SH3TC1: variants seen among roughly 807,000 people sequenced by gnomAD.
SH3TC1 encodes SH3 domain and tetratricopeptide repeat-containing protein 1.
Under a neutral mutation model 117.3 loss-of-function variants are expected in SH3TC1, and 135 were observed. The observed-to-expected ratio is 1.15, with a 90% CI of 1.00 to 1.33. The LOEUF (loss-of-function observed/expected upper bound fraction) is 1.33, where lower values mean the gene tolerates loss of function less well. Ranked by LOEUF, SH3TC1 falls within the 40% of genes most tolerant of loss-of-function variation. The probability of loss-of-function intolerance (pLI) is 0.00; values close to 1 mark genes in which losing one functional copy is unlikely to be tolerated. For missense variants in SH3TC1, 2,092 were observed against 1,794.3 expected, an observed-to-expected ratio of 1.17 and a Z score of -3.00; for synonymous variants, 898 against 816.9, an observed-to-expected ratio of 1.10 and a Z score of -1.69.
intron 3 of SH3TC1, among the ~76,000 whole-genome samples, chr4:8,211,714 A>C (rs1230825048): frequency 6.6e-6 from 1 of 151,738 alleles, no homozygotes; most frequent in Non-Finnish European, 1.5e-5. Context: ...AGATGGGGTC[A>C]CAGCCCCAGG....
At chr4:8,237,412 G>T (rs2152998508) in intron 16 of SH3TC1, 62 bp from the exon 17 acceptor site, 1 of 1,335,554 alleles carries the variant, frequency 7.5e-7, no homozygotes, top group Non-Finnish European at 9.7e-7. Flanking sequence ...GTGCTGCCGG[G>T]GTCTGCATGC....
Position 8,218,309 on chromosome 4 carries a change from C to T in SH3TC1, c.878C>T (p.Ala293Val), listed in dbSNP as rs1243885762. 4 of 1,611,946 alleles carry T rather than the reference C, an allele frequency of 2.5e-6. No homozygotes were observed. The highest frequency in any genetic ancestry group is 1.3e-5 in the African/African-American group (1 of 74,878). Reference sequence around the variant, plus strand: ...ATCCCCCAGGACCCCATCGACGATGCCATGGGTGGCCCTGTGATGCCCGGC... The same window carrying T: ...ATCCCCCAGGACCCCATCGACGATGTCATGGGTGGCCCTGTGATGCCCGGC... ...LRIPQDPIDD[A>V]MGGPVMPGNP... Residue 293 changes from alanine to valine, a missense_variant, in exon 8 of 18, where the codon GCC becomes GTC. Ala to Val is a moderately conservative substitution (Grantham distance 64, BLOSUM62 0). Coordinates refer to ENST00000245105, the MANE Select transcript of SH3TC1 (RefSeq NM_018986.5).
rs536584823 is a variant in SH3TC1, at chr4:8,230,206, C to T, written c.2950+1562C>T. 3.9e-5 allele frequency among the ~76,000 whole-genome samples: 6 copies of T among 152,320 alleles called. No individual in the cohort carries two copies. In the East Asian group the frequency reaches 5.8e-4, roughly 15 times the overall value. On this transcript the variant is annotated intron_variant, in intron 12 of 17. Coordinates refer to ENST00000245105, the MANE Select transcript of SH3TC1 (RefSeq NM_018986.5). ...TCTGATTTGTTGGCATACAATTGTT[C>T]GTAGTGTTCTCATGGAATCCTTTTA...
At chr4:8,215,141 C>A in intron 5 of SH3TC1, 1 of 456,290 alleles carries the variant, frequency 2.2e-6, no homozygotes, top group Non-Finnish European at 4.4e-6. Context: ...GTTGCCTTCA[C>A]ACTCTGCCCT....
rs1720800071 is a variant in SH3TC1 at position 8,228,524 on chromosome 4, G to A, written c.2830G>A (p.Asp944Asn). Reference protein sequence around the residue: ...SRLPLGECGRDFTHVLLQLGH... With the variant: ...SRLPLGECGRNFTHVLLQLGH... ...GCTGCCCCTTGGGGAGTGTGGCCGG[G>A]ACTTCACCCACGTGCTCCTGCAGCT... The change falls in exon 12 of 18, where the codon GAC becomes AAC. Residue 944 changes from aspartate (D) to asparagine (N), a missense_variant. Transcript: ENST00000245105. 4 of 1,611,352 alleles carry A rather than the reference G, an allele frequency of 2.5e-6. No homozygotes were observed. Among genetic ancestry groups the A allele is most frequent in the Non-Finnish European group, 3.4e-6 (4 of 1,179,576 alleles).
intron 4 of SH3TC1, 23 bp from the exon 5 acceptor site, chr4:8,214,452 A>C (rs1440061524): frequency 6.2e-7 from 1 of 1,610,664 alleles, no homozygotes; most frequent in Non-Finnish European, 8.5e-7. Context: ...GGACCTCTCG[A>C]ATTCCTATTT....
intron 1 of SH3TC1, among the ~76,000 whole-genome samples, chr4:8,187,435 G>A (rs1237772320): frequency 6.6e-6 from 1 of 152,130 alleles, no homozygotes; most frequent in Non-Finnish European, 1.5e-5. Flanking sequence ...ACCAGCCTAA[G>A]TTAGTTGGAA....
chr4:8,237,108 T>C (rs1235885339), intron 16 of SH3TC1: 1 of 239,490 alleles, frequency 4.2e-6, no homozygotes, highest in Non-Finnish European at 8.0e-6. Context: ...ACTCTGATGA[T>C]GACACACCCA....
At chr4:8,203,277 C>T (rs954713072) in intron 1 of SH3TC1, among the ~76,000 whole-genome samples, 33 of 150,156 alleles carry the variant, frequency 2.2e-4, no homozygotes, top group South Asian at 1.3e-3. Flanking sequence ...TGTGCGGGTG[C>T]GTGTGTGTGT....
At chr4:8,208,942 C>A (rs967516787) in intron 2 of SH3TC1, among the ~76,000 whole-genome samples, 1 of 152,222 alleles carries the variant, frequency 6.6e-6, no homozygotes, top group African/African-American at 2.4e-5. Flanking sequence ...CTAATCAGAT[C>A]CCCCTGGATC....
intron 1 of SH3TC1, among the ~76,000 whole-genome samples, chr4:8,184,593 G>A (rs1009522458): frequency 6.6e-6 from 1 of 152,102 alleles, no homozygotes; most frequent in Non-Finnish European, 1.5e-5. Context: ...TGCTCAGGCT[G>A]GTCTCGAACC....
At chr4:8,184,086 C>A (rs924924851) in intron 1 of SH3TC1, among the ~76,000 whole-genome samples, 6 of 152,112 alleles carry the variant, frequency 3.9e-5, no homozygotes, top group Admixed American at 1.3e-4. Context: ...GCTGACAGAG[C>A]ATGAAGGCAT....
intron 13 of SH3TC1, chr4:8,232,995 T>C: frequency 1.7e-6 from 2 of 1,196,732 alleles, no homozygotes; most frequent in Non-Finnish European, 2.1e-6. Context: ...GACAGGCCTC[T>C]GGATGACTGT....
intron 10 of SH3TC1, among the ~76,000 whole-genome samples, chr4:8,223,631 CTTT>C (rs761152183): frequency 7.3e-6 from 1 of 136,470 alleles, no homozygotes. Flanking sequence ...TACACACCCA[CTTT>C]TTTTTTTTTT....
At position 8,205,477 on chromosome 4, in the gene SH3TC1, C is replaced by T; in HGVS notation, c.172+111C>T. 8.4e-7 allele frequency: 1 copy of T among 1,195,676 alleles called. No individual in the cohort carries two copies. Among genetic ancestry groups the T allele is most frequent in the Non-Finnish European group, 1.1e-6 (1 of 872,828 alleles). 74.1% of individuals were successfully genotyped at this position (1,195,676 alleles called of 1,614,324 possible). A position where few individuals can be genotyped will look rare whatever the true frequency, so the allele number is the denominator to read the frequency against. The stretch of plus-strand genomic sequence containing the variant: ...CTGCCTGCCTCCAGGCCTCTTGGGG[C>T]TGGGGCTGGAGTCTGCTCTCCATCA... On this transcript the variant is annotated intron_variant, in intron 2 of 17. Coordinates refer to ENST00000245105, the MANE Select transcript of SH3TC1 (RefSeq NM_018986.5). The surrounding 1 kb of genome is among the most constrained non-coding windows in gnomAD (Gnocchi z 5.4).
At chr4:8,216,587 A>G (rs936726348) in intron 6 of SH3TC1, among the ~76,000 whole-genome samples, 2 of 152,100 alleles carry the variant, frequency 1.3e-5, no homozygotes, top group Admixed American at 1.3e-4. Flanking sequence ...AGGGGACATG[A>G]GGCTGTCTTT....
intron 14 of SH3TC1, among the ~76,000 whole-genome samples, chr4:8,235,068 G>T (rs3756191): frequency 0.3 from 45,403 of 152,168 alleles, 7,804 homozygotes; most frequent in Non-Finnish European, 0.39. Flanking sequence ...GTTGATGTGG[G>T]GTCCTGAGCT....
In SH3TC1 at chr4:8,192,433, A is replaced by T. The variant is rs188520074; in HGVS notation, c.-57+10223A>T. Among the ~76,000 whole-genome samples the T allele has an allele frequency of 6.8e-6, 1 of 147,178 alleles. No individual in the cohort carries two copies. Among genetic ancestry groups the T allele is most frequent in the East Asian group, 1.9e-4 (1 of 5,154 alleles). ...GAAGGTTGTAAATTACAATCTTCTTATCCAACCACTTGTCTTTATTTTATT... is the reference window on the plus strand; with the variant it reads ...GAAGGTTGTAAATTACAATCTTCTTTTCCAACCACTTGTCTTTATTTTATT... On this transcript the variant is annotated intron_variant, in intron 1 of 16. Transcript: ENST00000508641. The surrounding 1 kb of genome is among the most constrained non-coding windows in gnomAD (Gnocchi z 4.1).
At chr4:8,235,886 GAGGCCC>G (rs1450617729) in intron 15 of SH3TC1, 3 of 364,648 alleles carry the variant, frequency 8.2e-6, no homozygotes, top group Admixed American at 8.7e-5. Flanking sequence ...ATGCCAGTGG[GAGGCCC>G]AGGGCCAGGG....
Sources: allele counts gnomAD v4.1 joint callset (sites outside exome capture counted in the v4.1 genomes callset), GRCh38; gene constraint gnomAD v4.1.1; non-coding constraint Gnocchi (gnomAD v3.1); transcripts MANE v1.5; gene names NCBI Gene and HGNC (gene_info 2026-07-23, HGNC 2026-07-21).